The following DMGDH variants were observed in gnomAD, a reference collection of about 807,000 sequenced individuals.
DMGDH encodes dimethylglycine dehydrogenase.
In DMGDH, 76 loss-of-function variants were observed where a neutral mutation model predicts 95.2. That is an observed-to-expected ratio of 0.80 (90% CI 0.66 to 0.97). The LOEUF is 0.97. Among genes scored for constraint, DMGDH ranks in the 50% least tolerant of loss-of-function variants. DMGDH has a pLI of 0.00. For synonymous variants in DMGDH, 345 were observed against 377.6 expected, an observed-to-expected ratio of 0.91 and a Z score of 1.00; for missense variants, 987 against 1,055.0, an observed-to-expected ratio of 0.94 and a Z score of 0.89.
At chr5:79,035,719 T>G in intron 7 of DMGDH, among the ~76,000 whole-genome samples, 3 of 146,300 alleles carry the variant, frequency 2.1e-5, no homozygotes, top group African/African-American at 5.2e-5. Context: ...CAGAGTGCTG[T>G]TATTTGGGTG....
At chr5:79,066,483 A>T (rs1310607122) in intron 1 of DMGDH, among the ~76,000 whole-genome samples, 2 of 144,654 alleles carry the variant, frequency 1.4e-5, no homozygotes, top group Non-Finnish European at 3.0e-5. Context: ...TTTAGTAGAG[A>T]CGGGGTTTCT....
intron 2 of DMGDH, among the ~76,000 whole-genome samples, chr5:79,062,710 T>C (rs1351142036): frequency 6.6e-6 from 1 of 152,178 alleles, no homozygotes; most frequent in Non-Finnish European, 1.5e-5. Context: ...ACTTGGCCTG[T>C]GTCTCATGTA....
intron 5 of DMGDH, among the ~76,000 whole-genome samples, chr5:79,050,667 G>A (rs968145102): frequency 1.3e-5 from 2 of 152,168 alleles, no homozygotes; most frequent in African/African-American, 2.4e-5. Context: ...ATCAGTGGCC[G>A]CTTGGCCAAG....
intron 1 of DMGDH, among the ~76,000 whole-genome samples, chr5:79,064,212 G>A (rs1159736422): frequency 1.3e-5 from 2 of 152,040 alleles, no homozygotes; most frequent in African/African-American, 2.4e-5. Context: ...AATTATCCAG[G>A]CTTGGTGGCA....
At chr5:79,013,381 A>T (rs1753677914) in intron 14 of DMGDH, among the ~76,000 whole-genome samples, 1 of 152,144 alleles carries the variant, frequency 6.6e-6, no homozygotes, top group Admixed American at 6.5e-5. Context: ...CTCTGTCCAT[A>T]TCATTATCAG....
chr5:79,050,138 T>C (rs1420321625), intron 5 of DMGDH, among the ~76,000 whole-genome samples: 1 of 150,610 alleles, frequency 6.6e-6, no homozygotes, highest in Non-Finnish European at 1.5e-5. Context: ...GCGCCTGTTA[T>C]TCCTGCCACT....
chr5:79,021,133 A>C, intron 14 of DMGDH: 1 of 987,308 alleles, frequency 1.0e-6, no homozygotes, highest in Non-Finnish European at 1.2e-6. Context: ...GTACAGATTC[A>C]ATTATTTTTA....
intron 12 of DMGDH, 72 bp downstream of exon 12, chr5:79,028,355 CTTTTAA>C: frequency 7.9e-7 from 1 of 1,271,788 alleles, no homozygotes; most frequent in Non-Finnish European, 1.1e-6. Flanking sequence ...GTGACATGAC[CTTTTAA>C]TTTTAAATTT....
chr5:79,000,789 G>A (rs1181289721), intron 15 of DMGDH: 6 of 633,684 alleles, frequency 9.5e-6, no homozygotes, highest in Non-Finnish European at 1.7e-5. Flanking sequence ...ACTTAGCCTG[G>A]ATCCCAGGGA....
At chr5:79,000,007 A>T (rs2112595868) in intron 15 of DMGDH, 2 of 271,866 alleles carry the variant, frequency 7.4e-6, no homozygotes, top group South Asian at 9.5e-5. Context: ...AAATGGAGGC[A>T]TAATATTTAC....
At chr5:79,036,678 G>A (rs1315364441) in intron 7 of DMGDH, among the ~76,000 whole-genome samples, 1 of 152,058 alleles carries the variant, frequency 6.6e-6, no homozygotes, top group Non-Finnish European at 1.5e-5. Flanking sequence ...CCCTGAACTG[G>A]CTGTACCAAG....
intron 15 of DMGDH, among the ~76,000 whole-genome samples, chr5:79,002,542 C>G (rs1302937395): frequency 6.6e-6 from 1 of 152,160 alleles, no homozygotes; most frequent in African/African-American, 2.4e-5. Flanking sequence ...GGAATGTAAA[C>G]TCCATGAGGT....
At chr5:79,050,298 A>G (rs1754819459) in intron 5 of DMGDH, among the ~76,000 whole-genome samples, 1 of 141,288 alleles carries the variant, frequency 7.1e-6, no homozygotes, top group African/African-American at 2.6e-5. Flanking sequence ...ATATATATAT[A>G]TATACCTCAA....
intron 13 of DMGDH, among the ~76,000 whole-genome samples, chr5:79,024,731 T>C (rs1753952294): frequency 2.0e-5 from 3 of 152,040 alleles, no homozygotes; most frequent in Admixed American, 6.6e-5. Context: ...CAGGGTAAGG[T>C]GGAGGGAAAG....
chr5:79,030,390 A>G (rs7736027), intron 10 of DMGDH: 86,467 of 258,708 alleles, frequency 0.33, 16,789 homozygotes, highest in African/African-American at 0.61. Context: ...GGTGGCTCAT[A>G]CCTGTAATCC....
intron 6 of DMGDH, among the ~76,000 whole-genome samples, chr5:79,044,006 A>T (rs1754594684): frequency 6.6e-6 from 1 of 152,218 alleles, no homozygotes; most frequent in Non-Finnish European, 1.5e-5. Flanking sequence ...TGAGGAAAAA[A>T]CGGGGAGGCA....
At position 79,019,388 on chromosome 5, in the gene DMGDH, A is replaced by G. The variant is rs574496180; in HGVS notation, c.2250+4883T>C. ...AATCCACATGTTTTTCTACTTTCCT[A>G]TGTACTTTCAAGACTGAAGTTGGTA... On this transcript the variant is annotated intron_variant, in intron 14 of 15. Transcript: ENST00000255189. 1.9e-4 allele frequency among the ~76,000 whole-genome samples: 29 copies of G among 152,192 alleles called. 1 individual carries two copies. The South Asian group carries it at 5.8e-3, about 31-fold the overall frequency.
intron 11 of DMGDH, 38 bp from the exon 12 acceptor site, chr5:79,028,688 T>A (rs1372901100): frequency 6.3e-7 from 1 of 1,592,906 alleles, no homozygotes; most frequent in Admixed American, 1.7e-5. Flanking sequence ...AAATATTGCT[T>A]GAATAATGTA....
intron 1 of DMGDH, among the ~76,000 whole-genome samples, chr5:79,065,490 G>T (rs774854315): frequency 2.6e-5 from 4 of 152,140 alleles, no homozygotes; most frequent in Non-Finnish European, 5.9e-5. Flanking sequence ...GGGATTACAG[G>T]CATGAGCCAC....
Sources: allele counts gnomAD v4.1 joint callset (sites outside exome capture counted in the v4.1 genomes callset), GRCh38; gene constraint gnomAD v4.1.1; transcripts MANE v1.5; gene names NCBI Gene and HGNC (gene_info 2026-07-23, HGNC 2026-07-21).